The following DGKI variants were observed in gnomAD, a reference collection of about 807,000 sequenced individuals.
DGKI encodes DAG kinase iota.
DGKI carries 55 observed loss-of-function variants against 147.5 expected under a neutral mutation model. That is an observed-to-expected ratio of 0.37 (90% CI 0.30 to 0.47). The LOEUF (loss-of-function observed/expected upper bound fraction) is 0.47, where lower values mean the gene tolerates loss of function less well. Among genes scored for constraint, DGKI ranks in the 20% least tolerant of loss-of-function variants. The pLI is 1.00. For synonymous variants in DGKI, 469 were observed against 477.1 expected (o/e 0.98, Z 0.22); for missense variants, 1,007 against 1,323.8 (o/e 0.76, Z 3.71).
At chr7:137,739,550 A>G (rs1302463569) in intron 1 of DGKI, among the ~76,000 whole-genome samples, 1 of 151,932 alleles carries the variant, frequency 6.6e-6, no homozygotes, top group African/African-American at 2.4e-5. Flanking sequence ...CTCTCTGGGA[A>G]CTCCAGCCCT....
At chr7:137,441,420 CAAAAA>C (rs538892825) in intron 28 of DGKI, among the ~76,000 whole-genome samples, 13 of 67,542 alleles carry the variant, frequency 1.9e-4, no homozygotes, top group African/African-American at 6.6e-4. Flanking sequence ...GACTCCGTCT[CAAAAA>C]AAAAAAAAAA....
intron 28 of DGKI, among the ~76,000 whole-genome samples, chr7:137,436,256 A>G (rs750071536): frequency 5.3e-5 from 8 of 152,216 alleles, no homozygotes; most frequent in Non-Finnish European, 1.0e-4. Flanking sequence ...TGGGGCTACA[A>G]GAAGTGGATC....
intron 1 of DGKI, among the ~76,000 whole-genome samples, chr7:137,718,305 T>C (rs1313450994): frequency 6.6e-6 from 1 of 152,192 alleles, no homozygotes; most frequent in East Asian, 1.9e-4. Flanking sequence ...AGGGAGGTTA[T>C]GTAACTTGTC....
chr7:137,617,540 G>A (rs147001451), intron 8 of DGKI, among the ~76,000 whole-genome samples: 1 of 151,958 alleles, frequency 6.6e-6, no homozygotes, highest in Non-Finnish European at 1.5e-5. Context: ...TACAGACTAA[G>A]TGGTATGCTG....
intron 32 of DGKI, 25 bp downstream of exon 32, chr7:137,395,573 T>A: frequency 6.2e-7 from 1 of 1,605,154 alleles, no homozygotes. Flanking sequence ...AGCGGGAGGA[T>A]GTTTGCACTC....
intron 20 of DGKI, among the ~76,000 whole-genome samples, chr7:137,531,080 G>A (rs10264172): frequency 0.06 from 9,129 of 152,166 alleles, 678 homozygotes; most frequent in African/African-American, 0.18. Flanking sequence ...ATTCTTTCAT[G>A]CTTAAGGAGT....
At chr7:137,626,801 C>G (rs551023785) in intron 6 of DGKI, among the ~76,000 whole-genome samples, 2 of 152,306 alleles carry the variant, frequency 1.3e-5, no homozygotes, top group South Asian at 4.1e-4. Flanking sequence ...TAACTTGTCC[C>G]TCCACTGATA....
At chr7:137,485,237 A>G (rs185481649) in intron 23 of DGKI, 137 bp downstream of exon 23, 1 of 714,594 alleles carries the variant, frequency 1.4e-6, no homozygotes, top group Non-Finnish European at 2.3e-6. Context: ...GAATCAGAAT[A>G]CCATTTTCAC....
At chr7:137,631,841 G>T (rs1821132027) in intron 6 of DGKI, among the ~76,000 whole-genome samples, 1 of 152,138 alleles carries the variant, frequency 6.6e-6, no homozygotes, top group Non-Finnish European at 1.5e-5. Flanking sequence ...GCTATATTAG[G>T]TACAGCTGAA....
chr7:137,747,984 A>G (rs1795391585), intron 1 of DGKI, among the ~76,000 whole-genome samples: 1 of 152,266 alleles, frequency 6.6e-6, no homozygotes, highest in Admixed American at 6.5e-5. Flanking sequence ...TAAGATTTAT[A>G]AAGGTTGACA....
intron 1 of DGKI, among the ~76,000 whole-genome samples, chr7:137,753,113 T>C (rs1563181804): frequency 1.3e-5 from 2 of 152,066 alleles, no homozygotes; most frequent in Admixed American, 6.6e-5. Flanking sequence ...GTACTCAGGA[T>C]AATCATCTCA....
chr7:137,654,660 G>T, intron 5 of DGKI, 72 bp downstream of exon 5: 2 of 1,095,190 alleles, frequency 1.8e-6, no homozygotes, highest in Non-Finnish European at 1.4e-6. Context: ...ATTCCCTGGT[G>T]AATATCTATG....
intron 3 of DGKI, among the ~76,000 whole-genome samples, chr7:137,673,167 C>G (rs1157069391): frequency 6.6e-6 from 1 of 152,126 alleles, no homozygotes; most frequent in East Asian, 1.9e-4. Context: ...ATTACATCTG[C>G]AACAACCCTA....
chr7:137,535,526 T>C (rs546504614), intron 20 of DGKI, among the ~76,000 whole-genome samples: 2 of 152,134 alleles, frequency 1.3e-5, no homozygotes, highest in East Asian at 3.9e-4. Context: ...CAAACCTTCC[T>C]GCAAACTTTC....
chr7:137,608,144 T>A (rs1223523968), intron 10 of DGKI, among the ~76,000 whole-genome samples: 1 of 152,202 alleles, frequency 6.6e-6, no homozygotes, highest in African/African-American at 2.4e-5. Flanking sequence ...GGGTTTCAAA[T>A]CTCCAGTTGT....
intron 21 of DGKI, among the ~76,000 whole-genome samples, chr7:137,494,705 C>A (rs1815895121): frequency 6.6e-6 from 1 of 152,088 alleles, no homozygotes; most frequent in South Asian, 2.1e-4. Context: ...TCATTACTGG[C>A]CACTACAAAA....
At chr7:137,611,677 A>G in intron 8 of DGKI, among the ~76,000 whole-genome samples, 1 of 152,324 alleles carries the variant, frequency 6.6e-6, no homozygotes, top group Non-Finnish European at 1.5e-5. Flanking sequence ...TACATGAAGC[A>G]GTTAGCTGGG....
intron 1 of DGKI, among the ~76,000 whole-genome samples, chr7:137,792,143 A>T (rs1165879969): frequency 6.6e-6 from 1 of 152,222 alleles, no homozygotes; most frequent in Non-Finnish European, 1.5e-5. Flanking sequence ...TGTGCTATGA[A>T]ACACAGACAG....
chr7:137,636,519 C>A (rs1291191954), intron 6 of DGKI, among the ~76,000 whole-genome samples: 1 of 152,212 alleles, frequency 6.6e-6, no homozygotes, highest in East Asian at 1.9e-4. Context: ...ACCCAGATAA[C>A]TCTGCTTCAG....
Sources: allele counts gnomAD v4.1 joint callset (sites outside exome capture counted in the v4.1 genomes callset), GRCh38; gene constraint gnomAD v4.1.1; transcripts MANE v1.5; gene names NCBI Gene and HGNC (gene_info 2026-07-23, HGNC 2026-07-21).